LCLAT1: variants seen among roughly 807,000 people sequenced by gnomAD.
LCLAT1 encodes the protein 1-AGP acyltransferase 8.
Under a neutral mutation model 30.7 loss-of-function variants are expected in LCLAT1, and 11 were observed. The observed-to-expected ratio is 0.36, with a 90% CI of 0.23 to 0.59. The LOEUF is 0.59. Ranked by LOEUF, LCLAT1 falls within the 20% of genes least tolerant of loss-of-function variation. LCLAT1 has a pLI of 0.77. For missense variants in LCLAT1, 402 were observed against 458.6 expected, an observed-to-expected ratio of 0.88 and a Z score of 1.13; for synonymous variants, 155 against 151.3, an observed-to-expected ratio of 1.02 and a Z score of -0.18.
chr2:30,575,443 A>G (rs1218877736), intron 5 of LCLAT1, among the ~76,000 whole-genome samples: 10 of 152,138 alleles, frequency 6.6e-5, no homozygotes, highest in African/African-American at 1.9e-4. Flanking sequence ...ATACACACAT[A>G]TGCACATCTG....
In LCLAT1 at chr2:30,640,265, G is replaced by A. The variant is rs1205170784; in HGVS notation, c.777G>A (p.Lys259=). The A allele has an allele frequency of 1.2e-6, 2 of 1,614,034 alleles. No homozygotes were observed. The highest frequency in any genetic ancestry group is 2.2e-5 in the East Asian group (1 of 44,902). ...CAATAGACACCCTCCCCACATCCAA[G>A]GAGGACCTTCAACTCTGGTGCCACA... is the stretch of plus-strand genomic sequence containing the variant. ...RYPIDTLPTS[K]EDLQLWCHKR... is the part of the protein sequence containing the mutation. The change falls in exon 6 of 6, where the codon AAG becomes AAA. Residue 259 remains lysine (K), a synonymous_variant. Coordinates refer to ENST00000379509, the MANE Select transcript of LCLAT1 (RefSeq NM_001002257.3).
intron 1 of LCLAT1, among the ~76,000 whole-genome samples, chr2:30,462,888 G>T (rs907191920): frequency 2.0e-5 from 3 of 152,162 alleles, no homozygotes; most frequent in Non-Finnish European, 4.4e-5. Flanking sequence ...CTTTAGCATA[G>T]ATAAGTTTTG....
chr2:30,631,104 C>CA (rs1291314134), intron 5 of LCLAT1, among the ~76,000 whole-genome samples: 2 of 152,192 alleles, frequency 1.3e-5, no homozygotes, highest in African/African-American at 4.8e-5. Context: ...GACACAGCCA[C>CA]AACTTTAGCA....
chr2:30,572,943 AAG>A (rs1170732176), intron 5 of LCLAT1, among the ~76,000 whole-genome samples: 2 of 151,582 alleles, frequency 1.3e-5, no homozygotes, highest in Non-Finnish European at 2.9e-5. Flanking sequence ...CCTGGGTTGA[AAG>A]AGGAAAAAAA....
intron 3 of LCLAT1, among the ~76,000 whole-genome samples, chr2:30,535,165 T>TA (rs1407021499): frequency 2.0e-5 from 3 of 151,998 alleles, no homozygotes; most frequent in South Asian, 4.1e-4. Flanking sequence ...CACCCTAATT[T>TA]AAAAAAAGTT....
intron 1 of LCLAT1, among the ~76,000 whole-genome samples, chr2:30,483,708 C>G (rs1174934979): frequency 6.6e-6 from 1 of 152,050 alleles, no homozygotes. Context: ...CAAACCAGAC[C>G]CAGTTTAGGG....
Position 30,640,772 on chromosome 2 carries a change from A to G in LCLAT1, c.*153A>G, listed in dbSNP as rs1453489816. 8 of 938,618 alleles carry G rather than the reference A, an allele frequency of 8.5e-6. No homozygotes were observed. Among genetic ancestry groups the G allele is most frequent in the Non-Finnish European group, 1.2e-5 (8 of 650,900 alleles). The allele number at this position is 938,618 out of a possible 1,614,324, so 58.1% of individuals were successfully genotyped here. ...TATTTTGCACTTAATTTTGTGGGAA[A>G]AATATTGCTACAATTTTTTTTAATC... On this transcript the variant is annotated 3_prime_UTR_variant, in exon 6 of 6. Transcript: ENST00000379509.
At chr2:30,578,407 G>C (rs749709176) in intron 5 of LCLAT1, among the ~76,000 whole-genome samples, 1 of 152,130 alleles carries the variant, frequency 6.6e-6, no homozygotes, top group South Asian at 2.1e-4. Flanking sequence ...TGAAGGGAAG[G>C]CATGTTAGCC....
At chr2:30,487,983 C>G (rs192445285) in intron 1 of LCLAT1, among the ~76,000 whole-genome samples, 10 of 152,286 alleles carry the variant, frequency 6.6e-5, no homozygotes, top group African/African-American at 2.4e-4. Flanking sequence ...CTGCATTCCT[C>G]TGAATATACC....
At chr2:30,607,699 C>T (rs1398151653) in intron 5 of LCLAT1, 11 of 152,182 alleles carry the variant, frequency 7.2e-5, no homozygotes, top group Admixed American at 7.2e-4. Flanking sequence ...CAGGCAGGTC[C>T]TTCAGGAGGT....
At chr2:30,478,705 A>G (rs1267189124) in intron 1 of LCLAT1, among the ~76,000 whole-genome samples, 4 of 152,170 alleles carry the variant, frequency 2.6e-5, no homozygotes, top group Admixed American at 6.5e-5. Flanking sequence ...GTAGGTAGGT[A>G]GGTAGGTAGA....
intron 5 of LCLAT1, among the ~76,000 whole-genome samples, chr2:30,605,016 A>G (rs185679954): frequency 6.6e-6 from 1 of 152,370 alleles, no homozygotes; most frequent in East Asian, 1.9e-4. Context: ...TAATGGTTAC[A>G]TTACATGGAC....
chr2:30,553,072 T>C (rs576600376), intron 3 of LCLAT1, among the ~76,000 whole-genome samples: 11 of 152,300 alleles, frequency 7.2e-5, no homozygotes, highest in East Asian at 1.9e-4. Flanking sequence ...TTTTACCCTA[T>C]TGTTGAGATT....
chr2:30,455,462 T>A (rs534616148), intron 1 of LCLAT1, among the ~76,000 whole-genome samples: 5 of 152,332 alleles, frequency 3.3e-5, no homozygotes, highest in Admixed American at 3.3e-4. Flanking sequence ...CCACACCACC[T>A]CTGGAAGATC....
intron 3 of LCLAT1, among the ~76,000 whole-genome samples, chr2:30,543,514 C>T (rs1446123054): frequency 6.6e-6 from 1 of 152,050 alleles, no homozygotes; most frequent in African/African-American, 2.4e-5. Context: ...GTTATTTCCT[C>T]TTTAAATGAT....
chr2:30,525,901 G>C, intron 2 of LCLAT1, 146 bp downstream of exon 2: 1 of 648,002 alleles, frequency 1.5e-6, no homozygotes, highest in South Asian at 2.1e-5. Context: ...ATAATCTCTA[G>C]ATTGCTTATA....
At chr2:30,460,289 A>T (rs896544064) in intron 1 of LCLAT1, among the ~76,000 whole-genome samples, 26 of 152,184 alleles carry the variant, frequency 1.7e-4, no homozygotes, top group Admixed American at 1.6e-3. Flanking sequence ...CTGCCACCTC[A>T]GTCTCAATTT....
chr2:30,503,315 C>G (rs1477047260), intron 1 of LCLAT1, among the ~76,000 whole-genome samples: 2 of 152,186 alleles, frequency 1.3e-5, no homozygotes, highest in African/African-American at 2.4e-5. Context: ...AAAACAAGTC[C>G]TGCAGGTCTC....
chr2:30,447,957 C>G (rs893405091), intron 1 of LCLAT1, among the ~76,000 whole-genome samples: 4 of 152,054 alleles, frequency 2.6e-5, no homozygotes, highest in African/African-American at 7.3e-5. Context: ...AAGGTAGGCC[C>G]TAGCCAGGGC....
Sources: allele counts gnomAD v4.1 joint callset (sites outside exome capture counted in the v4.1 genomes callset), GRCh38; gene constraint gnomAD v4.1.1; transcripts MANE v1.5; gene names NCBI Gene and HGNC (gene_info 2026-07-23, HGNC 2026-07-21).